KATNIP: variants seen among roughly 807,000 people sequenced by gnomAD.
KATNIP encodes the protein katanin-interacting protein.
KATNIP carries 126 observed loss-of-function variants against 174.0 expected under a neutral mutation model. The observed-to-expected ratio is 0.72, with a 90% CI of 0.63 to 0.84. KATNIP has a LOEUF of 0.84. KATNIP is among the 40% of genes least tolerant of loss of function. The pLI is 0.00. For synonymous variants in KATNIP, 810 were observed against 835.7 expected (o/e 0.97, Z 0.53); for missense variants, 1,958 against 2,109.7 (o/e 0.93, Z 1.41).
rs1358447752 is a variant in KATNIP at position 27,775,034 on chromosome 16, G to A, written c.4399G>A (p.Asp1467Asn). The change falls in exon 24 of 28, where the codon GAC becomes AAC. Residue 1467 changes from aspartate (D) to asparagine (N), a missense_variant. By Grantham distance (23) the Asp-to-Asn change is conservative. Transcript: ENST00000261588. ...AGACAAGCTCATCGACCAAGTGAACGACACCAGTGATGGCCGGCACATGTG... is the reference window on the plus strand; with the variant it reads ...AGACAAGCTCATCGACCAAGTGAACAACACCAGTGATGGCCGGCACATGTG... The part of the protein sequence containing the change: ...TPDKLIDQVN[D>N]TSDGRHMWLA... The A allele has an allele frequency of 5.6e-6, 9 of 1,613,346 alleles. No homozygotes were observed. The African/African-American group carries it at 6.7e-5, about 12-fold the overall frequency.
intron 23 of KATNIP, 151 bp downstream of exon 23, chr16:27,773,360 G>A (rs2082381181): frequency 1.8e-6 from 1 of 556,676 alleles, no homozygotes; most frequent in Non-Finnish European, 3.1e-6. Context: ...GCTGACCCTT[G>A]GGGACGGGCA....
intron 2 of KATNIP, among the ~76,000 whole-genome samples, chr16:27,616,810 G>A (rs1487926934): frequency 1.5e-5 from 2 of 134,646 alleles, no homozygotes; most frequent in Non-Finnish European, 3.1e-5. Flanking sequence ...AGCACTTTGA[G>A]AGGCCAAGGC....
chr16:27,630,959 T>C (rs2076469867), intron 4 of KATNIP, 106 bp from the exon 5 acceptor site: 1 of 825,730 alleles, frequency 1.2e-6, no homozygotes, highest in East Asian at 2.7e-5. Flanking sequence ...TACACAAGAC[T>C]TTGGGCACAC....
intron 12 of KATNIP, among the ~76,000 whole-genome samples, chr16:27,705,888 G>A (rs923262657): frequency 1.3e-5 from 2 of 152,018 alleles, no homozygotes; most frequent in Non-Finnish European, 2.9e-5. Context: ...GTGGTGCCCA[G>A]GCTGGTCTTG....
intron 2 of KATNIP, among the ~76,000 whole-genome samples, chr16:27,590,695 A>G (rs777868347): frequency 6.6e-6 from 1 of 152,112 alleles, no homozygotes; most frequent in Non-Finnish European, 1.5e-5. Context: ...GCTCTCCATC[A>G]ATCTCTTTGA....
chr16:27,593,263 C>T (rs1415712661), intron 2 of KATNIP, among the ~76,000 whole-genome samples: 2 of 116,236 alleles, frequency 1.7e-5, no homozygotes, highest in Admixed American at 1.2e-4. Flanking sequence ...TTGTCTGAGA[C>T]GGAGTTTTGT....
At chr16:27,754,363 T>G (rs2081635143) in intron 18 of KATNIP, 112 bp downstream of exon 18, 2 of 881,170 alleles carry the variant, frequency 2.3e-6, no homozygotes, top group Non-Finnish European at 3.6e-6. Flanking sequence ...GGTTGGACAC[T>G]GTACAGAGAC....
chr16:27,777,016 T>C lies in KATNIP; in HGVS notation c.4538T>C (p.Val1513Ala). Residue 1513 changes from valine to alanine, a missense_variant, in exon 25 of 28, where the codon GTG becomes GCG. Physicochemically the swap from Val to Ala is moderately conservative, Grantham distance 64. Transcript: ENST00000261588. The surrounding 1 kb of genome is among the most constrained non-coding windows in gnomAD (Gnocchi z 4.4). The stretch of plus-strand genomic sequence containing the variant: ...TATGCGAAAACACCCCATCGAGGGG[T>C]GAAGGAGTTTGGCGTAAGTACTTAT... Reference protein sequence around the residue: ...WNYAKTPHRGVKEFGLLVDDL... With the variant: ...WNYAKTPHRGAKEFGLLVDDL... 1 of 1,610,646 alleles carries C rather than the reference T, an allele frequency of 6.2e-7. No homozygotes were observed. The highest frequency in any genetic ancestry group is 8.5e-7 in the Non-Finnish European group (1 of 1,176,946).
In KATNIP at chr16:27,721,666, A is replaced by T; in HGVS notation, c.1714A>T (p.Lys572Ter). Residue 572 changes from lysine to a stop codon, truncating the protein, a stop_gained, in exon 14 of 28, where the codon AAG (lysine) becomes TAG (stop). Transcript: ENST00000261588. LOFTEE classifies it high-confidence loss of function. ...QLGDFHLAKI[K>*]VRNYWTADGD... ...GGGGGACTTCCATCTGGCCAAGATC[A>T]AGGTTCGGAATTACTGGACAGCTGA... is the stretch of plus-strand genomic sequence containing the variant. 2 of 1,614,160 alleles carry T rather than the reference A, an allele frequency of 1.2e-6. No individual in the cohort carries two copies. Among genetic ancestry groups the T allele is most frequent in the Non-Finnish European group, 1.7e-6 (2 of 1,180,040 alleles).
chr16:27,604,089 A>G (rs1367771852), intron 2 of KATNIP, among the ~76,000 whole-genome samples: 2 of 152,096 alleles, frequency 1.3e-5, no homozygotes, highest in African/African-American at 4.8e-5. Context: ...GACATACAAT[A>G]TATTTTAATT....
At chr16:27,679,758 A>G (rs1215718260) in intron 7 of KATNIP, among the ~76,000 whole-genome samples, 1 of 151,866 alleles carries the variant, frequency 6.6e-6, no homozygotes, top group Non-Finnish European at 1.5e-5. Flanking sequence ...TCAAAAAAAA[A>G]AAAAAAAAAA....
chr16:27,621,647 C>T (rs942107990), intron 3 of KATNIP, among the ~76,000 whole-genome samples: 4 of 151,792 alleles, frequency 2.6e-5, no homozygotes, highest in Admixed American at 6.6e-5. Flanking sequence ...TTCATTGGCT[C>T]ACGATTCTGC....
chr16:27,590,340 C>CT (rs965946959), intron 2 of KATNIP, among the ~76,000 whole-genome samples: 133 of 144,202 alleles, frequency 9.2e-4, no homozygotes, highest in Admixed American at 2.4e-3. Context: ...TTCTTTCTTT[C>CT]TTTTTTTTTT....
intron 13 of KATNIP, chr16:27,718,576 C>T (rs1229809810): frequency 6.6e-6 from 1 of 152,284 alleles, no homozygotes; most frequent in African/African-American, 2.4e-5. Context: ...GTTATTCCTC[C>T]TGCTGACAGA....
chr16:27,754,551 T>C (rs1391057159), intron 18 of KATNIP: 1 of 355,312 alleles, frequency 2.8e-6, no homozygotes, highest in Non-Finnish European at 5.2e-6. Context: ...CCAGGAGGTG[T>C]AGTTGGCACC....
At chr16:27,635,404 C>T (rs778655058) in intron 5 of KATNIP, among the ~76,000 whole-genome samples, 4 of 152,068 alleles carry the variant, frequency 2.6e-5, no homozygotes, top group Non-Finnish European at 5.9e-5. Flanking sequence ...TACCGAGAGC[C>T]GGCCCCCTCC....
rs969130020 is a variant in KATNIP at position 27,766,346 on chromosome 16, C to T, written c.3847C>T (p.His1283Tyr). Residue 1283 changes from histidine to tyrosine, a missense_variant, in exon 20 of 28, where the codon CAT (histidine) becomes TAT (tyrosine). Physicochemically the swap from His to Tyr is moderately conservative, Grantham distance 83. This residue lies in a region of KATNIP where 18 missense variants were observed against 35.8 expected (regional missense o/e 0.50). Coordinates refer to ENST00000261588, the MANE Select transcript of KATNIP (RefSeq NM_015202.5). ...CACCAACATCACCATGGAGGATGAG[C>T]ATATGTGGCTGATCCCCTTCTCGCC... ...DGTNITMEDE[H>Y]MWLIPFSPGL... The T allele has an allele frequency of 6.2e-7, 1 of 1,614,182 alleles. No individual in the cohort carries two copies. The highest frequency in any genetic ancestry group is 8.5e-7 in the Non-Finnish European group (1 of 1,180,040).
intron 6 of KATNIP, among the ~76,000 whole-genome samples, chr16:27,650,990 A>G (rs531919766): frequency 5.7e-4 from 87 of 152,294 alleles, no homozygotes; most frequent in African/African-American, 2.0e-3. Context: ...AATTTCTCTT[A>G]ATTGGGAGGC....
chr16:27,762,702 C>T (rs2081993466), intron 19 of KATNIP, among the ~76,000 whole-genome samples: 1 of 152,222 alleles, frequency 6.6e-6, no homozygotes, highest in Admixed American at 6.5e-5. Flanking sequence ...CCCTGCTTTT[C>T]TATAAGGTGG....
Sources: allele counts gnomAD v4.1 joint callset (sites outside exome capture counted in the v4.1 genomes callset), GRCh38; gene constraint gnomAD v4.1.1; regional missense constraint gnomAD v4.1.1; non-coding constraint Gnocchi (gnomAD v3.1); transcripts MANE v1.5; gene names NCBI Gene and HGNC (gene_info 2026-07-23, HGNC 2026-07-21).